Variants in TPRG1 observed in about 807,000 individuals in gnomAD.
TPRG1 encodes tumor protein p63-regulated gene 1 protein.
A neutral mutation model predicts 29.3 loss-of-function variants in TPRG1; 29 were observed. That is an observed-to-expected ratio of 0.99 (90% CI 0.74 to 1.35). The LOEUF is 1.35. TPRG1 is among the 40% of genes most tolerant of loss of function. The pLI, the probability that TPRG1 is intolerant of heterozygous loss-of-function variation, is 0.00. For missense variants in TPRG1, 327 were observed against 335.0 expected, an observed-to-expected ratio of 0.98 and a Z score of 0.19; for synonymous variants, 130 against 116.8, an observed-to-expected ratio of 1.11 and a Z score of -0.73.
chr3:189,221,555 G>A (rs769854813), intron 3 of TPRG1, among the ~76,000 whole-genome samples: 19 of 152,346 alleles, frequency 1.2e-4, no homozygotes, highest in Non-Finnish European at 2.4e-4. Flanking sequence ...ATTTGGTGCC[G>A]TAAGTGGAAG....
chr3:189,153,106 C>A (rs146283377), intron 5 of TPRG1, among the ~76,000 whole-genome samples: 1 of 152,180 alleles, frequency 6.6e-6, no homozygotes, highest in Non-Finnish European at 1.5e-5. Flanking sequence ...CAGTGTACAA[C>A]GTAAGTGGAG....
chr3:189,200,266 T>G (rs1327613624), intron 1 of TPRG1, among the ~76,000 whole-genome samples: 1 of 152,198 alleles, frequency 6.6e-6, no homozygotes, highest in Non-Finnish European at 1.5e-5. Context: ...TGTGAAATTG[T>G]AAGGAATTGT....
chr3:189,106,136 G>T (rs1334384428), intron 1 of TPRG1, among the ~76,000 whole-genome samples: 1 of 152,090 alleles, frequency 6.6e-6, no homozygotes, highest in African/African-American at 2.4e-5. Flanking sequence ...AAAAACTAGT[G>T]TGTCGATATT....
intron 4 of TPRG1, among the ~76,000 whole-genome samples, chr3:189,286,017 T>C (rs1438284017): frequency 6.6e-6 from 1 of 152,124 alleles, no homozygotes; most frequent in Non-Finnish European, 1.5e-5. Flanking sequence ...AGTCTTGTTC[T>C]GACCCTTCTC....
At chr3:189,122,847 A>G (rs1268451917) in intron 1 of TPRG1, among the ~76,000 whole-genome samples, 1 of 152,202 alleles carries the variant, frequency 6.6e-6, no homozygotes, top group Non-Finnish European at 1.5e-5. Flanking sequence ...TTTTTTAACA[A>G]ATGAAAAAAT....
intron 1 of TPRG1, among the ~76,000 whole-genome samples, chr3:189,193,057 C>A (rs183056009): frequency 5.3e-4 from 80 of 151,506 alleles, no homozygotes; most frequent in Admixed American, 5.2e-3. Flanking sequence ...TTTAGTCTTA[C>A]AGGGATTCTC....
intron 1 of TPRG1, among the ~76,000 whole-genome samples, chr3:189,203,637 T>C (rs965799472): frequency 2.0e-5 from 3 of 152,356 alleles, no homozygotes; most frequent in Admixed American, 6.5e-5. Context: ...GTTTAGTTGG[T>C]TTTCCATTTT....
At chr3:189,081,799 A>C (rs1717610892) in intron 4 of TPRG1, among the ~76,000 whole-genome samples, 1 of 152,222 alleles carries the variant, frequency 6.6e-6, no homozygotes, top group South Asian at 2.1e-4. Context: ...AGCATGTCGT[A>C]GTACCTCTAT....
At chr3:189,138,396 C>T (rs550103240) in intron 3 of TPRG1, among the ~76,000 whole-genome samples, 1 of 152,248 alleles carries the variant, frequency 6.6e-6, no homozygotes, top group Non-Finnish European at 1.5e-5. Flanking sequence ...AACAACCAAC[C>T]AACAAATACC....
intron 1 of TPRG1, among the ~76,000 whole-genome samples, chr3:189,204,025 G>C (rs947922468): frequency 7.7e-6 from 1 of 130,380 alleles, no homozygotes; most frequent in African/African-American, 3.0e-5. Context: ...TGGTGACAGA[G>C]CGAGACTGTC....
chr3:189,161,944 A>C (rs763666983), intron 5 of TPRG1, among the ~76,000 whole-genome samples: 18 of 152,078 alleles, frequency 1.2e-4, no homozygotes, highest in Non-Finnish European at 1.9e-4. Flanking sequence ...GGCTGTGAAA[A>C]CTTTCTCTAT....
At chr3:189,125,813 T>TTGTGTGTGTGTG (rs751689409) in intron 1 of TPRG1, among the ~76,000 whole-genome samples, 18 of 124,144 alleles carry the variant, frequency 1.4e-4, no homozygotes, top group East Asian at 9.5e-4. Flanking sequence ...GCAGGGTGTT[T>TTGTGTGTGTGTG]TGTGTGTGTG....
chr3:189,258,192 T>C (rs559875206), intron 4 of TPRG1, among the ~76,000 whole-genome samples: 7 of 152,072 alleles, frequency 4.6e-5, no homozygotes, highest in Admixed American at 3.9e-4. Flanking sequence ...TTTTGTGTGG[T>C]CATCCTTTTT....
intron 4 of TPRG1, among the ~76,000 whole-genome samples, chr3:189,272,695 C>CTTTCTCTT (rs770742123): frequency 3.0e-4 from 42 of 137,930 alleles, no homozygotes; most frequent in African/African-American, 1.2e-3. Flanking sequence ...TTCTTTCTTT[C>CTTTCTCTT]TCTTTCTTTC....
chr3:189,244,963 C>T (rs1310181361), intron 4 of TPRG1, among the ~76,000 whole-genome samples: 3 of 152,152 alleles, frequency 2.0e-5, no homozygotes, highest in African/African-American at 7.2e-5. Context: ...TCTTGTTGCC[C>T]AAGCTGGAGT....
chr3:189,205,063 A>G (rs7628267), intron 1 of TPRG1, among the ~76,000 whole-genome samples: 8,502 of 152,128 alleles, frequency 0.056, 791 homozygotes, highest in African/African-American at 0.19. Flanking sequence ...AAGATCACCT[A>G]AAAGCTCAGA....
chr3:189,096,630 A>G (rs1031574570), upstream of TPRG1, among the ~76,000 whole-genome samples: 1 of 152,250 alleles, frequency 6.6e-6, no homozygotes, highest in African/African-American at 2.4e-5. Context: ...TATGTTAGTT[A>G]GATCTATTCA....
chr3:189,288,126 TTG>T (rs991332175), intron 4 of TPRG1, among the ~76,000 whole-genome samples: 8 of 151,876 alleles, frequency 5.3e-5, no homozygotes, highest in African/African-American at 1.9e-4. Flanking sequence ...GTGTGTGTGG[TTG>T]TGTGTGTATA....
At chr3:189,226,186 A>G (rs940034743) in intron 3 of TPRG1, among the ~76,000 whole-genome samples, 4 of 152,226 alleles carry the variant, frequency 2.6e-5, no homozygotes, top group Non-Finnish European at 4.4e-5. Flanking sequence ...TCATTCAATA[A>G]CAGCAGAATG....
Sources: gnomAD v4.1 joint callset for allele counts (sites outside exome capture counted in the v4.1 genomes callset) on GRCh38, gnomAD v4.1.1 for gene constraint, MANE v1.5 for transcripts, NCBI Gene and HGNC (gene_info 2026-07-23, HGNC 2026-07-21) for gene names.